THSD4: variants seen among roughly 807,000 people sequenced by gnomAD.
THSD4 encodes the protein thrombospondin type-1 domain-containing protein 4.
THSD4 carries 69 observed loss-of-function variants against 119.0 expected under a neutral mutation model. That is an observed-to-expected ratio of 0.58 (90% CI 0.48 to 0.71). THSD4 has a LOEUF of 0.71. Among genes scored for constraint, THSD4 ranks in the 30% least tolerant of loss-of-function variants. The pLI, the probability that THSD4 is intolerant of heterozygous loss-of-function variation, is 0.00. For synonymous variants in THSD4, 524 were observed against 540.4 expected (o/e 0.97, Z 0.42); for missense variants, 1,393 against 1,391.1 (o/e 1.00, Z -0.02).
chr15:71,125,424 A>T (rs1462706729), intron 1 of THSD4, among the ~76,000 whole-genome samples: 2 of 152,194 alleles, frequency 1.3e-5, no homozygotes, highest in African/African-American at 4.8e-5. Flanking sequence ...AGTTCTGTAT[A>T]TTTGGTCAGA....
chr15:71,208,937 C>T (rs1391781727), intron 3 of THSD4, among the ~76,000 whole-genome samples: 2 of 152,094 alleles, frequency 1.3e-5, no homozygotes, highest in African/African-American at 4.8e-5. Flanking sequence ...GGATTTCATC[C>T]AAAATACATG....
At chr15:71,337,569 A>G (rs549627642) in intron 6 of THSD4, among the ~76,000 whole-genome samples, 2 of 152,378 alleles carry the variant, frequency 1.3e-5, no homozygotes, top group South Asian at 2.1e-4. Flanking sequence ...AAGGTTTCCC[A>G]GTCAGGGATG....
chr15:71,449,769 G>A (rs573889653), intron 7 of THSD4, among the ~76,000 whole-genome samples: 1 of 152,174 alleles, frequency 6.6e-6, no homozygotes, highest in Non-Finnish European at 1.5e-5. Context: ...TGAGAAGTAA[G>A]TAGATTTAAT....
rs187241881 is a variant in THSD4 at position 71,125,196 on chromosome 15, A to G, written c.-80+9498A>G. On this transcript the variant is annotated intron_variant, in intron 1 of 17. Coordinates refer to ENST00000261862, the MANE Select transcript of THSD4 (RefSeq NM_024817.3). ...GAAAAGAAAAAATTTTATACCCTAC[A>G]CTGGTTTATTATTGTGTACTCTCCT... 1.5e-3 allele frequency among the ~76,000 whole-genome samples: 231 copies of G among 152,202 alleles called. 1 individual carries two copies. Among genetic ancestry groups the G allele is most frequent in the African/African-American group, 5.3e-3 (219 of 41,526 alleles).
chr15:71,256,795 G>C (rs2044323187), intron 6 of THSD4, 80 bp downstream of exon 6: 1 of 1,349,040 alleles, frequency 7.4e-7, no homozygotes, highest in Non-Finnish European at 1.0e-6. Context: ...TGATGTTGGA[G>C]GTATTGGTGT....
intron 1 of THSD4, among the ~76,000 whole-genome samples, chr15:71,138,861 GGTGT>G (rs749382796): frequency 2.7e-5 from 4 of 148,950 alleles, no homozygotes; most frequent in Non-Finnish European, 4.4e-5. Context: ...GTAATTTCTT[GGTGT>G]GTGTGTGTGT....
chr15:71,771,239 G>A, intron 17 of THSD4, 31 bp downstream of exon 17: 1 of 1,610,776 alleles, frequency 6.2e-7, no homozygotes, highest in Admixed American at 1.7e-5. Flanking sequence ...TGGGGGAAAG[G>A]TTTGTGTTTT....
intron 6 of THSD4, among the ~76,000 whole-genome samples, chr15:71,365,167 A>T (rs866406412): frequency 5.3e-5 from 4 of 75,060 alleles, no homozygotes; most frequent in East Asian, 3.9e-4. Flanking sequence ...GTGTGTGTGT[A>T]TGAGAGAGAG....
At chr15:71,257,576 G>A (rs2044334386) in intron 6 of THSD4, among the ~76,000 whole-genome samples, 1 of 152,158 alleles carries the variant, frequency 6.6e-6, no homozygotes. Flanking sequence ...ACAATGTGCA[G>A]GATCTGGAGA....
chr15:71,738,321 C>G (rs375031476), intron 11 of THSD4: 5 of 281,380 alleles, frequency 1.8e-5, no homozygotes, highest in Non-Finnish European at 3.4e-5. Context: ...CAGTCACCTC[C>G]TGCTGTGCGA....
At chr15:71,426,592 G>C (rs2046872791) in intron 7 of THSD4, among the ~76,000 whole-genome samples, 1 of 152,012 alleles carries the variant, frequency 6.6e-6, no homozygotes, top group Non-Finnish European at 1.5e-5. Context: ...TAATTGGATT[G>C]GGTAAATTGT....
intron 8 of THSD4, among the ~76,000 whole-genome samples, chr15:71,685,377 A>T (rs1035919381): frequency 1.4e-4 from 22 of 152,132 alleles, no homozygotes; most frequent in African/African-American, 4.8e-4. Flanking sequence ...TAATATTTAC[A>T]GTATTCACAT....
chr15:71,155,038 C>T (rs1436504836), intron 3 of THSD4, 106 bp downstream of exon 3: 1 of 1,037,680 alleles, frequency 9.6e-7, no homozygotes, highest in Admixed American at 1.8e-5. Context: ...ACCACTGATC[C>T]TGAAAGGAAG....
At chr15:71,146,307 A>C (rs186401724) in intron 2 of THSD4, among the ~76,000 whole-genome samples, 1 of 152,174 alleles carries the variant, frequency 6.6e-6, no homozygotes, top group Non-Finnish European at 1.5e-5. Flanking sequence ...TGAGGTTTCC[A>C]TTTGGGTTTC....
At chr15:71,126,652 C>T (rs2040458967) in intron 1 of THSD4, among the ~76,000 whole-genome samples, 1 of 152,194 alleles carries the variant, frequency 6.6e-6, no homozygotes, top group African/African-American at 2.4e-5. Context: ...GGGAATATCT[C>T]ACAAAGACTT....
At chr15:71,715,717 C>T (rs1051397037) in intron 8 of THSD4, among the ~76,000 whole-genome samples, 5 of 151,410 alleles carry the variant, frequency 3.3e-5, no homozygotes, top group African/African-American at 7.3e-5. Context: ...ACTTATTCCC[C>T]GACGTCATCG....
chr15:71,704,061 A>G (rs111805763), intron 8 of THSD4, among the ~76,000 whole-genome samples: 7,175 of 152,024 alleles, frequency 0.047, 215 homozygotes, highest in South Asian at 0.063. Flanking sequence ...TGTTAGCCAG[A>G]ATGGTCTCAA....
At position 71,274,596 on chromosome 15, in the gene THSD4, G is replaced by A. The variant is rs550423527; in HGVS notation, c.1015+17881G>A. 1.3e-4 allele frequency among the ~76,000 whole-genome samples: 20 copies of A among 152,268 alleles called. No homozygotes were observed. In the East Asian group the frequency reaches 3.9e-3, roughly 29 times the overall value. On this transcript the variant is annotated intron_variant, in intron 6 of 17. Coordinates refer to ENST00000261862, the MANE Select transcript of THSD4 (RefSeq NM_024817.3). Reference sequence around the variant, plus strand: ...CCACTGCTGCCAAGTAGGAGTATATGTGTGAAATGTCTCTGGGACAGGCCT... The same window carrying A: ...CCACTGCTGCCAAGTAGGAGTATATATGTGAAATGTCTCTGGGACAGGCCT...
intron 6 of THSD4, among the ~76,000 whole-genome samples, chr15:71,279,889 G>A (rs916852771): frequency 5.9e-5 from 9 of 152,166 alleles, no homozygotes; most frequent in Admixed American, 5.2e-4. Flanking sequence ...AAGAGCAATG[G>A]GCAAAGGACA....
Sources: gnomAD v4.1 joint callset for allele counts (sites outside exome capture counted in the v4.1 genomes callset) on GRCh38, gnomAD v4.1.1 for gene constraint, MANE v1.5 for transcripts, NCBI Gene and HGNC (gene_info 2026-07-23, HGNC 2026-07-21) for gene names.